CFAP54: variants seen among roughly 807,000 people sequenced by gnomAD.
The protein encoded by CFAP54 is cilia- and flagella-associated protein 54.
A neutral mutation model predicts 370.4 loss-of-function variants in CFAP54; 290 were observed. The observed-to-expected ratio is 0.78, with a 90% CI of 0.71 to 0.86. CFAP54 has a LOEUF of 0.86. Among genes scored for constraint, CFAP54 ranks in the 40% least tolerant of loss-of-function variants. CFAP54 has a pLI of 0.00. For synonymous variants in CFAP54, 1,206 were observed against 1,236.5 expected, an observed-to-expected ratio of 0.98 and a Z score of 0.52; for missense variants, 3,399 against 3,528.7, an observed-to-expected ratio of 0.96 and a Z score of 0.93.
chr12:96,600,324 T>C (rs956897827), intron 26 of CFAP54, among the ~76,000 whole-genome samples: 12 of 152,128 alleles, frequency 7.9e-5, no homozygotes, highest in Non-Finnish European at 1.5e-4. Context: ...TGTGGTGTTA[T>C]TTCTGAGTCC....
At chr12:96,774,865 TA>T (rs1057270629) in intron 60 of CFAP54, among the ~76,000 whole-genome samples, 5 of 152,164 alleles carry the variant, frequency 3.3e-5, no homozygotes, top group African/African-American at 1.2e-4. Context: ...TATTATAATT[TA>T]AAAAAATTAT....
At chr12:96,717,104 C>T (rs529836861) in intron 48 of CFAP54, among the ~76,000 whole-genome samples, 5 of 152,326 alleles carry the variant, frequency 3.3e-5, no homozygotes, top group Non-Finnish European at 5.9e-5. Flanking sequence ...GGAGAACACT[C>T]ATGTGGGACC....
intron 48 of CFAP54, among the ~76,000 whole-genome samples, chr12:96,714,819 T>A (rs1957656585): frequency 1.3e-5 from 2 of 152,122 alleles, no homozygotes; most frequent in African/African-American, 4.8e-5. Flanking sequence ...GTTTTTGTTT[T>A]GATGGGAATC....
intron 39 of CFAP54, among the ~76,000 whole-genome samples, chr12:96,672,680 G>A (rs1957161701): frequency 6.6e-6 from 1 of 152,058 alleles, no homozygotes. Flanking sequence ...GTTCTTCCTG[G>A]GTGTGTTCTT....
At chr12:96,792,028 C>T (rs1371486834) in intron 62 of CFAP54, among the ~76,000 whole-genome samples, 1 of 151,718 alleles carries the variant, frequency 6.6e-6, no homozygotes, top group East Asian at 1.9e-4. Context: ...TTTTGTATTT[C>T]TTTAGTAGAA....
At chr12:96,564,046 C>T (rs2136410308) in intron 17 of CFAP54, among the ~76,000 whole-genome samples, 1 of 152,182 alleles carries the variant, frequency 6.6e-6, no homozygotes, top group Non-Finnish European at 1.5e-5. Context: ...CGTGTGTTAC[C>T]CAGAGCTCTT....
rs1001742882 is a variant in CFAP54, at chr12:96,547,912, A to G, written c.2088A>G (p.Leu696=). 2.7e-6 allele frequency: 4 copies of G among 1,490,976 alleles called. No individual in the cohort carries two copies. The African/African-American group carries it at 5.6e-5, about 21-fold the overall frequency. 92.4% of individuals were successfully genotyped at this position (1,490,976 alleles called of 1,614,324 possible). The change falls in exon 15 of 68, where the codon TTA becomes TTG. Residue 696 remains leucine (L), a synonymous_variant. Coordinates refer to ENST00000524981, the MANE Select transcript of CFAP54 (RefSeq NM_001306084.2). ...RKFKQSLDVP[L]REGTNKFPGA... ...TCCTTTCTTTTCCAGATGTACCTTT[A>G]AGAGAAGGGACTAACAAATTCCCTG...
rs527879247 is a variant in CFAP54 at position 96,520,437 on chromosome 12, G to A, written c.942+1366G>A. On this transcript the variant is annotated intron_variant, in intron 6 of 67. Transcript: ENST00000524981. ...TGTGCACCTGTAGTCCCAGCTACTC[G>A]GGAGGCTGAGGTTGCAGTAAGCTGA... Among the ~76,000 whole-genome samples, 28 of 152,078 alleles carry A rather than the reference G, an allele frequency of 1.8e-4. 1 individual carries two copies. Among genetic ancestry groups the A allele is most frequent in the Admixed American group, 9.8e-4 (15 of 15,274 alleles).
intron 65 of CFAP54, among the ~76,000 whole-genome samples, chr12:96,820,403 G>A (rs1166837402): frequency 6.6e-6 from 1 of 152,052 alleles, no homozygotes; most frequent in East Asian, 1.9e-4. Context: ...GTACTTGTTG[G>A]CATTTTTAGT....
At chr12:96,697,300 A>G (rs1389132351) in intron 45 of CFAP54, among the ~76,000 whole-genome samples, 1 of 152,156 alleles carries the variant, frequency 6.6e-6, no homozygotes, top group Non-Finnish European at 1.5e-5. Flanking sequence ...GACTCAAGGA[A>G]ACTAACCACA....
rs1013635835 is a variant in CFAP54 at position 96,535,504 on chromosome 12, T to G, written c.1706-11T>G. 7 of 1,519,910 alleles carry G rather than the reference T, an allele frequency of 4.6e-6. No homozygotes were observed. In the South Asian group the frequency reaches 6.0e-5, roughly 13 times the overall value. The allele number at this position is 1,519,910 out of a possible 1,614,324, so 94.2% of individuals were successfully genotyped here. A position where few individuals can be genotyped will look rare whatever the true frequency, so the allele number is the denominator to read the frequency against. Reference sequence around the variant, plus strand: ...TTTTTTGTTTCATTTTCCTCTACTTTATGAACTTAGATACTTGTTTGAAGA... The same window carrying G: ...TTTTTTGTTTCATTTTCCTCTACTTGATGAACTTAGATACTTGTTTGAAGA... On this transcript the variant is annotated splice_polypyrimidine_tract_variant and intron_variant, in intron 11 of 67. Coordinates refer to ENST00000524981, the MANE Select transcript of CFAP54 (RefSeq NM_001306084.2).
intron 26 of CFAP54, among the ~76,000 whole-genome samples, chr12:96,600,173 G>T (rs148563246): frequency 2.0e-5 from 3 of 152,014 alleles, no homozygotes; most frequent in Admixed American, 6.6e-5. Context: ...GTTAATTTTT[G>T]TGTAAGGTGT....
At chr12:96,872,685 C>T (rs7297178) in intron 67 of CFAP54, among the ~76,000 whole-genome samples, 62,058 of 151,834 alleles carry the variant, frequency 0.41, 13,956 homozygotes, top group African/African-American at 0.6. Context: ...ACAGAGGTGC[C>T]TTGATTAGAA....
At chr12:96,584,682 T>C (rs1191204448) in intron 22 of CFAP54, among the ~76,000 whole-genome samples, 1 of 152,008 alleles carries the variant, frequency 6.6e-6, no homozygotes, top group Non-Finnish European at 1.5e-5. Context: ...GTAATACTTG[T>C]TTAGATAATT....
At chr12:96,786,475 C>T (rs1958629956) in intron 61 of CFAP54, among the ~76,000 whole-genome samples, 200 bp from the exon 62 acceptor site, 1 of 152,308 alleles carries the variant, frequency 6.6e-6, no homozygotes, top group South Asian at 2.1e-4. Flanking sequence ...GCCACCGCGC[C>T]TGGCCTGAAA....
At chr12:96,603,806 C>T (rs1433533720) in intron 26 of CFAP54, among the ~76,000 whole-genome samples, 1 of 152,192 alleles carries the variant, frequency 6.6e-6, no homozygotes, top group East Asian at 1.9e-4. Context: ...TCAGCTACAT[C>T]AGGTCATTTA....
At chr12:96,849,743 A>T (rs1007647669) in intron 66 of CFAP54, among the ~76,000 whole-genome samples, 2 of 152,194 alleles carry the variant, frequency 1.3e-5, no homozygotes, top group Non-Finnish European at 2.9e-5. Flanking sequence ...AACCCCCTGC[A>T]GTATGCCCCC....
intron 65 of CFAP54, among the ~76,000 whole-genome samples, chr12:96,824,123 C>T (rs1959061288): frequency 6.6e-6 from 1 of 152,112 alleles, no homozygotes; most frequent in African/African-American, 2.4e-5. Context: ...TGTGCCCTCC[C>T]AGCCCCTCGC....
intron 63 of CFAP54, among the ~76,000 whole-genome samples, chr12:96,805,842 G>A (rs182856736): frequency 2.2e-4 from 34 of 151,898 alleles, no homozygotes; most frequent in African/African-American, 7.7e-4. Flanking sequence ...ATTAACCTAC[G>A]TGTCCATCAG....
Sources: allele counts gnomAD v4.1 joint callset (sites outside exome capture counted in the v4.1 genomes callset), GRCh38; gene constraint gnomAD v4.1.1; transcripts MANE v1.5; gene names NCBI Gene and HGNC (gene_info 2026-07-23, HGNC 2026-07-21).